The following ELMOD1 variants were observed in gnomAD, a reference collection of about 807,000 sequenced individuals.
ELMOD1 encodes ELMO domain-containing protein 1.
ELMOD1 carries 21 observed loss-of-function variants against 46.7 expected under a neutral mutation model. The observed-to-expected ratio is 0.45, with a 90% CI of 0.32 to 0.65. The LOEUF (loss-of-function observed/expected upper bound fraction) is 0.65, where lower values mean the gene tolerates loss of function less well. Among genes scored for constraint, ELMOD1 ranks in the 30% least tolerant of loss-of-function variants. The pLI is 0.04. For synonymous variants in ELMOD1, 122 were observed against 138.2 expected, an observed-to-expected ratio of 0.88 and a Z score of 0.82; for missense variants, 348 against 407.8, an observed-to-expected ratio of 0.85 and a Z score of 1.26.
chr11:107,605,191 CTT>C (rs1033311280), intron 1 of ELMOD1, among the ~76,000 whole-genome samples: 4 of 128,130 alleles, frequency 3.1e-5, no homozygotes, highest in Non-Finnish European at 1.7e-5. Flanking sequence ...AATTTTCTTT[CTT>C]TTTTTTTTTT....
intron 6 of ELMOD1, chr11:107,643,561 A>T (rs1446519036): frequency 1.9e-6 from 1 of 516,818 alleles, no homozygotes; most frequent in Non-Finnish European, 4.0e-6. Flanking sequence ...TATGAGCCAC[A>T]CAAAGAAAAC....
At chr11:107,623,621 A>C (rs964065880) in intron 2 of ELMOD1, 1 of 152,086 alleles carries the variant, frequency 6.6e-6, no homozygotes, top group Non-Finnish European at 1.5e-5. Context: ...TTCCTGTCCA[A>C]CCTGAGAGGA....
intron 1 of ELMOD1, chr11:107,591,955 C>T (rs763768164): frequency 9.6e-6 from 5 of 520,350 alleles, no homozygotes; most frequent in African/African-American, 3.9e-5. Flanking sequence ...CCTCCAACTG[C>T]TGGGAAACTC....
chr11:107,627,658 C>T (rs897930564), intron 2 of ELMOD1, among the ~76,000 whole-genome samples: 1 of 152,158 alleles, frequency 6.6e-6, no homozygotes, highest in Non-Finnish European at 1.5e-5. Flanking sequence ...ACTTCTAGGT[C>T]TCAAGCCTCC....
chr11:107,618,345 C>A, intron 2 of ELMOD1, 139 bp downstream of exon 2: 1 of 991,700 alleles, frequency 1.0e-6, no homozygotes, highest in Non-Finnish European at 1.6e-6. Flanking sequence ...TGCATTTTTG[C>A]TAAGAATAAC....
At chr11:107,632,069 T>C (rs1186472575) in intron 5 of ELMOD1, among the ~76,000 whole-genome samples, 3 of 152,210 alleles carry the variant, frequency 2.0e-5, no homozygotes, top group African/African-American at 7.2e-5. Context: ...CCTTCATGAA[T>C]ATTACTTTAT....
At chr11:107,664,848 G>C (rs1359871642) in intron 11 of ELMOD1, among the ~76,000 whole-genome samples, 177 bp from the exon 12 acceptor site, 1 of 152,114 alleles carries the variant, frequency 6.6e-6, no homozygotes, top group Non-Finnish European at 1.5e-5. Flanking sequence ...GGCTTCAACT[G>C]CACTGATTTT....
intron 2 of ELMOD1, among the ~76,000 whole-genome samples, chr11:107,624,421 C>T (rs893334633): frequency 1.3e-5 from 2 of 152,088 alleles, no homozygotes; most frequent in Non-Finnish European, 2.9e-5. Context: ...GAGGCTGAGG[C>T]AGGCAGATTG....
intron 1 of ELMOD1, among the ~76,000 whole-genome samples, chr11:107,601,655 A>C (rs1865601354): frequency 6.6e-6 from 1 of 151,838 alleles, no homozygotes; most frequent in Non-Finnish European, 1.5e-5. Flanking sequence ...GGCTCAAACG[A>C]TCCACCTGCC....
At chr11:107,625,544 C>T (rs1318691064) in intron 2 of ELMOD1, 78 of 985,274 alleles carry the variant, frequency 7.9e-5, no homozygotes, top group Non-Finnish European at 9.2e-5. Context: ...TACCCACACC[C>T]CCTCACCCCA....
At chr11:107,650,836 G>T in intron 8 of ELMOD1, 49 bp from the exon 9 acceptor site, 1 of 1,046,330 alleles carries the variant, frequency 9.6e-7, no homozygotes, top group Admixed American at 3.9e-5. Flanking sequence ...ATTCTAAATT[G>T]TTTGCATTTT....
At chr11:107,627,820 A>G (rs1190373313) in intron 2 of ELMOD1, among the ~76,000 whole-genome samples, 1 of 152,212 alleles carries the variant, frequency 6.6e-6, no homozygotes, top group Non-Finnish European at 1.5e-5. Context: ...AAGATTTAGT[A>G]CAAACAGAAC....
intron 6 of ELMOD1, among the ~76,000 whole-genome samples, chr11:107,638,133 C>T (rs1393022861): frequency 6.6e-6 from 1 of 152,132 alleles, no homozygotes; most frequent in Non-Finnish European, 1.5e-5. Context: ...ATGCTATTCC[C>T]TCTGTTACCC....
chr11:107,634,155 T>C (rs761832269), intron 5 of ELMOD1, among the ~76,000 whole-genome samples: 14 of 152,158 alleles, frequency 9.2e-5, no homozygotes, highest in Admixed American at 2.6e-4. Flanking sequence ...AAAGACTAGA[T>C]TGGAGAGTAT....
At position 107,630,552 on chromosome 11, in the gene ELMOD1, C is replaced by T. The variant is rs753266651; in HGVS notation, c.153C>T (p.Thr51=). The T allele has an allele frequency of 6.2e-7, 1 of 1,609,606 alleles. No homozygotes were observed. Among genetic ancestry groups the T allele is most frequent in the Non-Finnish European group, 8.5e-7 (1 of 1,178,234 alleles). Residue 51 remains threonine (T), a synonymous_variant, in exon 3 of 12, where the codon ACC becomes ACT. Transcript: ENST00000265840. ...CYNTKPGASR[T]MKIETSLRDS... is the part of the protein sequence containing the mutation. ...ATACCAAGCCGGGAGCTTCTAGAAC[C>T]ATGAAAATCGGTAAGCCTGAGACAA...
intron 2 of ELMOD1, among the ~76,000 whole-genome samples, chr11:107,622,162 T>C (rs774705967): frequency 5.9e-5 from 9 of 152,172 alleles, no homozygotes; most frequent in African/African-American, 9.7e-5. Flanking sequence ...TGTGAAGGAA[T>C]ATTCAGGAAA....
intron 1 of ELMOD1, among the ~76,000 whole-genome samples, chr11:107,596,468 G>T (rs1395916861): frequency 1.3e-5 from 2 of 152,076 alleles, no homozygotes; most frequent in Non-Finnish European, 2.9e-5. Flanking sequence ...GAATTTGGAA[G>T]CCAGATTTTC....
At chr11:107,630,054 C>T (rs959421102) in intron 2 of ELMOD1, among the ~76,000 whole-genome samples, 4 of 152,086 alleles carry the variant, frequency 2.6e-5, no homozygotes, top group African/African-American at 9.7e-5. Context: ...ATGTTCTTCC[C>T]CCACGTCAAA....
intron 2 of ELMOD1, among the ~76,000 whole-genome samples, chr11:107,628,765 C>A (rs1368106939): frequency 1.3e-5 from 2 of 151,166 alleles, no homozygotes; most frequent in Non-Finnish European, 2.9e-5. Flanking sequence ...TTATAATTTT[C>A]ATTTTTTAAA....
Sources: gnomAD v4.1 joint callset for allele counts (sites outside exome capture counted in the v4.1 genomes callset) on GRCh38, gnomAD v4.1.1 for gene constraint, MANE v1.5 for transcripts, NCBI Gene and HGNC (gene_info 2026-07-23, HGNC 2026-07-21) for gene names.